Variants in PDE10A observed in about 807,000 individuals in gnomAD.
PDE10A encodes cAMP and cAMP-inhibited cGMP 3',5'-cyclic phosphodiesterase 10A.
A neutral mutation model predicts 97.7 loss-of-function variants in PDE10A; 39 were observed. The observed-to-expected ratio is 0.40, with a 90% CI of 0.31 to 0.52. The LOEUF (loss-of-function observed/expected upper bound fraction) is 0.52. Ranked by LOEUF, PDE10A falls within the 20% of genes least tolerant of loss-of-function variation. The pLI, the probability that PDE10A is intolerant of heterozygous loss-of-function variation, is 0.56. For missense variants in PDE10A, 731 were observed against 1,047.8 expected (o/e 0.70, Z 4.17); for synonymous variants, 371 against 376.8 (o/e 0.98, Z 0.18).
chr6:165,615,625 G>A (rs570737709), intron 1 of PDE10A, among the ~76,000 whole-genome samples: 2 of 152,230 alleles, frequency 1.3e-5, no homozygotes, highest in African/African-American at 4.8e-5. Flanking sequence ...TTTAAAGTAA[G>A]TTTTATTTCA....
Position 165,815,381 on chromosome 6 carries a change from T to C in PDE10A, c.-615+172148A>G, listed in dbSNP as rs74584027. 4.2e-3 allele frequency among the ~76,000 whole-genome samples: 632 copies of C among 152,176 alleles called. 5 individuals carry two copies. The highest frequency in any genetic ancestry group is 0.015 in the African/African-American group (603 of 41,518). On this transcript the variant is annotated intron_variant, in intron 1 of 19. Transcript: ENST00000366882. ...GTTGGGAGAGGTCAAGCACGAACAG[T>C]TTAGTTCCTGATTAACCCATCATTT... is the stretch of plus-strand genomic sequence containing the variant.
intron 6 of PDE10A, among the ~76,000 whole-genome samples, chr6:165,434,503 CCACTTTGTCTAGTTT>C (rs1408860413): frequency 1.3e-5 from 2 of 152,118 alleles, no homozygotes; most frequent in African/African-American, 4.8e-5. Flanking sequence ...ACTGAGGGCT[CCACTTTGTCTAGTTT>C]CTCTGTATCT....
Position 165,824,382 on chromosome 6 carries a change from G to A in PDE10A, c.-615+163147C>T, listed in dbSNP as rs548377383. The stretch of plus-strand genomic sequence containing the variant: ...CGAAATTTTCAATGAGTTTCTGAGT[G>A]GGGTATTATGGACTCAAGAAGCTTT... On this transcript the variant is annotated intron_variant, in intron 1 of 19. Coordinates refer to the PDE10A transcript ENST00000366882. Among the ~76,000 whole-genome samples, 3 of 152,312 alleles carry A rather than the reference G, an allele frequency of 2.0e-5. No homozygotes were observed. The South Asian group carries it at 6.2e-4, about 32-fold the overall frequency.
At chr6:165,557,070 C>T (rs894481753) in intron 1 of PDE10A, among the ~76,000 whole-genome samples, 2 of 152,026 alleles carry the variant, frequency 1.3e-5, no homozygotes, top group African/African-American at 4.8e-5. Context: ...ACCCAGGAGA[C>T]GGAGGTTGCA....
At chr6:165,875,793 C>T (rs546405785) in intron 1 of PDE10A, among the ~76,000 whole-genome samples, 1 of 144,566 alleles carries the variant, frequency 6.9e-6, no homozygotes, top group African/African-American at 2.6e-5. Context: ...TTTAATCCTA[C>T]CAGATGTTTG....
At chr6:165,377,899 C>T (rs980039594) in intron 18 of PDE10A, among the ~76,000 whole-genome samples, 5 of 152,178 alleles carry the variant, frequency 3.3e-5, no homozygotes, top group Admixed American at 3.3e-4. Context: ...TTCCCTGATA[C>T]CATCCCTCTT....
intron 2 of PDE10A, among the ~76,000 whole-genome samples, chr6:165,514,270 T>C (rs755926405): frequency 1.3e-5 from 2 of 152,246 alleles, no homozygotes; most frequent in Non-Finnish European, 2.9e-5. Flanking sequence ...TTGGCTTTGA[T>C]ACGAGGTTAA....
At chr6:165,405,042 C>A (rs140991312) in intron 13 of PDE10A, among the ~76,000 whole-genome samples, 61 of 151,694 alleles carry the variant, frequency 4.0e-4, no homozygotes, top group Middle Eastern at 3.4e-3. Context: ...ACAATAGTTT[C>A]CTCTAACGTG....
chr6:165,678,229 G>GTGTCTGTGTGTCTCTCTC (rs1439586669), intron 1 of PDE10A, among the ~76,000 whole-genome samples: 1 of 116,744 alleles, frequency 8.6e-6, no homozygotes, highest in Admixed American at 8.4e-5. Flanking sequence ...ATATGTGTGT[G>GTGTCTGTGTGTCTCTCTC]TGTATGTGTG....
chr6:165,612,305 G>A (rs1787531726), intron 1 of PDE10A, among the ~76,000 whole-genome samples: 1 of 152,094 alleles, frequency 6.6e-6, no homozygotes, highest in South Asian at 2.1e-4. Flanking sequence ...CATCAGGAAT[G>A]CTCTGCTCCT....
intron 1 of PDE10A, among the ~76,000 whole-genome samples, chr6:165,560,452 A>T (rs966709445): frequency 1.3e-5 from 2 of 152,106 alleles, no homozygotes; most frequent in Admixed American, 6.5e-5. Context: ...CCTTTATTTC[A>T]GTCTTGCGAT....
In PDE10A at chr6:165,917,638, A is replaced by C. The variant is rs180965242; in HGVS notation, c.-615+69891T>G. Among the ~76,000 whole-genome samples, 202 of 152,316 alleles carry C rather than the reference A, an allele frequency of 1.3e-3. 2 individuals are homozygous for C. The highest frequency in any genetic ancestry group is 4.7e-3 in the African/African-American group (196 of 41,568). On this transcript the variant is annotated intron_variant, in intron 1 of 19. Transcript: ENST00000366882. ...GTCAAAAGAGGACATTAACTGAATA[A>C]AGTAAAAGAAGAAAAAAAAAGGCAG...
intron 1 of PDE10A, among the ~76,000 whole-genome samples, chr6:165,746,256 G>A (rs1792840038): frequency 6.6e-6 from 1 of 152,266 alleles, no homozygotes; most frequent in African/African-American, 2.4e-5. Context: ...ATTTTTATAA[G>A]AACTACCATA....
At chr6:165,484,215 A>C (rs1779766653) in intron 2 of PDE10A, among the ~76,000 whole-genome samples, 1 of 152,226 alleles carries the variant, frequency 6.6e-6, no homozygotes, top group Admixed American at 6.5e-5. Flanking sequence ...TCTCTTGCCC[A>C]AGAAAAATTT....
chr6:165,933,698 A>C (rs778900815), intron 1 of PDE10A, among the ~76,000 whole-genome samples: 6 of 152,220 alleles, frequency 3.9e-5, no homozygotes, highest in Non-Finnish European at 7.3e-5. Flanking sequence ...AGTTTCATAG[A>C]ATATACACAT....
chr6:165,624,040 T>A (rs1366519516), intron 1 of PDE10A, among the ~76,000 whole-genome samples: 1 of 152,232 alleles, frequency 6.6e-6, no homozygotes, highest in African/African-American at 2.4e-5. Flanking sequence ...GGCCTCCTCA[T>A]CAAACTCTGC....
At chr6:165,910,686 A>G (rs1782430102) in intron 1 of PDE10A, 1 of 151,004 alleles carries the variant, frequency 6.6e-6, no homozygotes, top group African/African-American at 2.4e-5. Flanking sequence ...AAAATCCTAT[A>G]ACTAAACTGG....
chr6:165,859,332 C>T (rs1326109419), intron 1 of PDE10A, among the ~76,000 whole-genome samples: 3 of 152,170 alleles, frequency 2.0e-5, no homozygotes, highest in Non-Finnish European at 2.9e-5. Flanking sequence ...CACAAATTTA[C>T]CATGAAGTAC....
At chr6:165,906,714 A>C (rs879298925) in intron 1 of PDE10A, among the ~76,000 whole-genome samples, 9 of 152,152 alleles carry the variant, frequency 5.9e-5, no homozygotes, top group Admixed American at 2.0e-4. Context: ...AAAGCCTGGA[A>C]TAGGAGAGGT....
Sources: allele counts gnomAD v4.1 joint callset (sites outside exome capture counted in the v4.1 genomes callset), GRCh38; gene constraint gnomAD v4.1.1; transcripts MANE v1.5; gene names NCBI Gene and HGNC (gene_info 2026-07-23, HGNC 2026-07-21).